The following ZBTB49 variants were observed in gnomAD, a reference collection of about 807,000 sequenced individuals.
ZBTB49 encodes the protein zinc finger and BTB domain containing 49.
Under a neutral mutation model 57.5 loss-of-function variants are expected in ZBTB49, and 43 were observed. The observed-to-expected ratio is 0.75, with a 90% CI of 0.59 to 0.97. The LOEUF (loss-of-function observed/expected upper bound fraction) is 0.97. Among genes scored for constraint, ZBTB49 ranks in the 50% least tolerant of loss-of-function variants. The pLI, the probability that ZBTB49 is intolerant of heterozygous loss-of-function variation, is 0.00. For synonymous variants in ZBTB49, 369 were observed against 362.1 expected (o/e 1.02, Z -0.22); for missense variants, 938 against 947.7 (o/e 0.99, Z 0.13).
At chr4:4,307,874 T>C (rs1020487034) in intron 4 of ZBTB49, among the ~76,000 whole-genome samples, 3 of 152,218 alleles carry the variant, frequency 2.0e-5, no homozygotes, top group African/African-American at 7.2e-5. Context: ...AAGCCCTTTA[T>C]ACATTTAAAT....
intron 4 of ZBTB49, among the ~76,000 whole-genome samples, chr4:4,309,591 C>T (rs902096670): frequency 1.1e-4 from 16 of 152,190 alleles, no homozygotes; most frequent in Non-Finnish European, 8.8e-5. Flanking sequence ...TACAGAGAGA[C>T]GGGTTTTGAG....
At chr4:4,296,260 T>A (rs895222870) in intron 1 of ZBTB49, among the ~76,000 whole-genome samples, 2 of 152,160 alleles carry the variant, frequency 1.3e-5, no homozygotes, top group Non-Finnish European at 2.9e-5. Flanking sequence ...CGGGAAAGTC[T>A]GTTTCAGTGG....
intron 1 of ZBTB49, among the ~76,000 whole-genome samples, chr4:4,292,616 T>C (rs1460380862): frequency 1.3e-5 from 2 of 152,220 alleles, no homozygotes; most frequent in African/African-American, 4.8e-5. Context: ...TCCAGGTTTG[T>C]TGCTTCAAGC....
In ZBTB49 at chr4:4,321,593, G is replaced by A; in HGVS notation, c.*277G>A. The A allele has an allele frequency of 2.0e-6, 1 of 506,604 alleles. No homozygotes were observed. Among genetic ancestry groups the A allele is most frequent in the African/African-American group, 1.9e-5 (1 of 52,200 alleles). The allele number at this position is 506,604 out of a possible 1,614,324, so 31.4% of individuals were successfully genotyped here. On this transcript the variant is annotated 3_prime_UTR_variant, in exon 8 of 8. Coordinates refer to ENST00000337872, the MANE Select transcript of ZBTB49 (RefSeq NM_145291.4). ...CAGCAGCCTCAGCTGTGGGGGGGAA[G>A]CGCGTGTGCATCGTGTCAACTACTG...
chr4:4,319,424 C>G (rs1721317711), intron 7 of ZBTB49, among the ~76,000 whole-genome samples: 2 of 152,254 alleles, frequency 1.3e-5, no homozygotes, highest in African/African-American at 2.4e-5. Flanking sequence ...TGAGTTCCTT[C>G]TCATCTTACC....
At chr4:4,306,018 A>T in intron 3 of ZBTB49, 120 bp from the exon 4 acceptor site, 2 of 716,430 alleles carry the variant, frequency 2.8e-6, no homozygotes, top group Non-Finnish European at 4.8e-6. Context: ...CCCTATTTTC[A>T]TACTGTTAGG....
In ZBTB49 at chr4:4,321,368, G is replaced by A. The variant is rs756022055; in HGVS notation, c.*52G>A. 1 of 1,577,908 alleles carries A rather than the reference G, an allele frequency of 6.3e-7. No homozygotes were observed. The highest frequency in any genetic ancestry group is 1.1e-5 in the South Asian group (1 of 88,740). ...CGTGTTCTCAGTTTAGCAGGCTGGT[G>A]TTAAGGCTGTAGGAGGACCCAGTTT... On this transcript the variant is annotated 3_prime_UTR_variant, in exon 8 of 8. Coordinates refer to ENST00000337872, the MANE Select transcript of ZBTB49 (RefSeq NM_145291.4).
At chr4:4,306,907 G>T (rs749876315) in intron 4 of ZBTB49, among the ~76,000 whole-genome samples, 1 of 152,226 alleles carries the variant, frequency 6.6e-6, no homozygotes, top group Non-Finnish European at 1.5e-5. Context: ...TCACTGGCAC[G>T]ACTGTCTCAC....
At chr4:4,298,048 C>G (rs1049041951) in intron 1 of ZBTB49, among the ~76,000 whole-genome samples, 1 of 152,168 alleles carries the variant, frequency 6.6e-6, no homozygotes, top group Non-Finnish European at 1.5e-5. Flanking sequence ...GTGATCCTTA[C>G]GGATTATTAC....
chr4:4,318,985 G>T (rs1301271598), intron 7 of ZBTB49, among the ~76,000 whole-genome samples: 1 of 149,992 alleles, frequency 6.7e-6, no homozygotes, highest in Non-Finnish European at 1.5e-5. Context: ...CGACCTCCTG[G>T]ACACAGGCAG....
At position 4,320,650 on chromosome 4, in the gene ZBTB49, T is replaced by TG; in HGVS notation, c.1637dup (p.Ser547IlefsTer3). The TG allele has an allele frequency of 6.2e-7, 1 of 1,613,866 alleles. No individual in the cohort carries two copies. On this transcript the variant is annotated frameshift_variant, in exon 8 of 8. Coordinates refer to ENST00000337872, the MANE Select transcript of ZBTB49 (RefSeq NM_145291.4). LOFTEE classifies it low-confidence loss of function (END_TRUNC). Reference sequence around the variant, plus strand: ...TTTTTCTTTTTCCAGGGAAATGTTTTGGGGGATCAGGTGACCTCCGCAGGC... The same window carrying TG: ...TTTTTCTTTTTCCAGGGAAATGTTTTGGGGGGATCAGGTGACCTCCGCAGGC...
chr4:4,307,847 T>C (rs556253993), intron 4 of ZBTB49, among the ~76,000 whole-genome samples: 1 of 152,262 alleles, frequency 6.6e-6, no homozygotes, highest in African/African-American at 2.4e-5. Flanking sequence ...GAAAATGAAA[T>C]GAAAAACTAG....
intron 2 of ZBTB49, 72 bp from the exon 3 acceptor site, chr4:4,301,917 A>G (rs113456844): frequency 0.029 from 38,822 of 1,339,364 alleles, 702 homozygotes; most frequent in Non-Finnish European, 0.033. Flanking sequence ...ATATTAATAT[A>G]TGAATGTTAT....
chr4:4,306,757 C>T (rs1047904874), intron 4 of ZBTB49, among the ~76,000 whole-genome samples: 2 of 152,206 alleles, frequency 1.3e-5, no homozygotes, highest in African/African-American at 4.8e-5. Context: ...CTAATGTTTT[C>T]TAGAAAATGG....
chr4:4,303,082 T>C lies in ZBTB49; in HGVS notation c.1246T>C (p.Ser416Pro). Residue 416 changes from serine (S) to proline (P), a missense_variant, in exon 3 of 8, where the codon TCT becomes CCT. Physicochemically the swap from Ser to Pro is moderately conservative, Grantham distance 74. Around this residue, in one of 3 missense-constraint regions of ZBTB49, gnomAD observed 835 missense variants for 819.1 expected, o/e 1.02. Coordinates refer to ENST00000337872, the MANE Select transcript of ZBTB49 (RefSeq NM_145291.4). ...AAGCAACTTGGAGCTTCACAAACGG[T>C]CTCATACAGGTAACTGATTCAGTAC... ...HPSNLELHKRSHTGEKPFECN... is the reference protein window; with the variant it reads ...HPSNLELHKRPHTGEKPFECN... 5 of 1,603,592 alleles carry C rather than the reference T, an allele frequency of 3.1e-6. No individual in the cohort carries two copies. The highest frequency in any genetic ancestry group is 4.3e-6 in the Non-Finnish European group (5 of 1,173,724).
intron 4 of ZBTB49, among the ~76,000 whole-genome samples, chr4:4,307,270 A>G (rs1401148452): frequency 6.6e-6 from 1 of 152,136 alleles, no homozygotes; most frequent in Non-Finnish European, 1.5e-5. Flanking sequence ...CAGCCAGCAG[A>G]TGCTCAGGAA....
intron 3 of ZBTB49, among the ~76,000 whole-genome samples, chr4:4,304,214 T>C (rs957556175): frequency 6.7e-6 from 1 of 148,228 alleles, no homozygotes; most frequent in Non-Finnish European, 1.5e-5. Flanking sequence ...TACAGCCTAA[T>C]GATTACTGCA....
intron 7 of ZBTB49, among the ~76,000 whole-genome samples, chr4:4,316,722 T>C (rs1007265655): frequency 2.6e-5 from 4 of 152,162 alleles, no homozygotes; most frequent in Non-Finnish European, 4.4e-5. Context: ...CTAATTGTAA[T>C]TGGAATCTGA....
intron 7 of ZBTB49, among the ~76,000 whole-genome samples, chr4:4,316,410 T>G (rs1010207358): frequency 3.3e-5 from 5 of 152,132 alleles, no homozygotes; most frequent in Non-Finnish European, 5.9e-5. Flanking sequence ...TGATGCTTCG[T>G]TTGAGAGCGG....
Sources: allele counts gnomAD v4.1 joint callset (sites outside exome capture counted in the v4.1 genomes callset), GRCh38; gene constraint gnomAD v4.1.1; regional missense constraint gnomAD v4.1.1; transcripts MANE v1.5; gene names NCBI Gene and HGNC (gene_info 2026-07-23, HGNC 2026-07-21).